Variants in HIRA observed in about 807,000 individuals in gnomAD.
The protein encoded by HIRA is protein HIRA.
Under a neutral mutation model 126.6 loss-of-function variants are expected in HIRA, and 13 were observed. The ratio of observed to expected loss-of-function variants is 0.10; its 90% CI spans 0.07 to 0.16. The LOEUF is 0.16. Ranked by LOEUF, HIRA falls within the 10% of genes least tolerant of loss-of-function variation. The pLI, the probability that HIRA is intolerant of heterozygous loss-of-function variation, is 1.00. For synonymous variants in HIRA, 511 were observed against 520.0 expected, an observed-to-expected ratio of 0.98 and a Z score of 0.24; for missense variants, 834 against 1,314.4, an observed-to-expected ratio of 0.63 and a Z score of 5.65.
chr22:19,401,820 C>T (rs910617084), intron 5 of HIRA, among the ~76,000 whole-genome samples: 5 of 152,314 alleles, frequency 3.3e-5, no homozygotes, highest in African/African-American at 9.6e-5. Context: ...CTAGTCTTCC[C>T]AGTGCAGCCC....
intron 15 of HIRA, among the ~76,000 whole-genome samples, chr22:19,373,242 G>C (rs1035317764): frequency 3.3e-5 from 5 of 151,916 alleles, no homozygotes; most frequent in Admixed American, 1.3e-4. Context: ...TTTAGCTTTT[G>C]TTCCAATTTT....
intron 2 of HIRA, among the ~76,000 whole-genome samples, chr22:19,408,951 T>C (rs1370562199): frequency 6.6e-6 from 1 of 152,090 alleles, no homozygotes; most frequent in African/African-American, 2.4e-5. Flanking sequence ...ACTCCTTGAC[T>C]CCTCATCTGT....
intron 5 of HIRA, among the ~76,000 whole-genome samples, chr22:19,398,440 G>A (rs554885472): frequency 6.6e-6 from 1 of 152,270 alleles, no homozygotes; most frequent in Non-Finnish European, 1.5e-5. Flanking sequence ...GCCTTCCTCC[G>A]AGAGCCTTCT....
At position 19,361,822 on chromosome 22, in the gene HIRA, G is replaced by A; in HGVS notation, c.1885C>T (p.Arg629Ter). 1.2e-6 allele frequency: 2 copies of A among 1,614,088 alleles called. No individual in the cohort carries two copies. Among genetic ancestry groups the A allele is most frequent in the Non-Finnish European group, 1.7e-6 (2 of 1,180,028 alleles). Reference protein sequence around the residue: ...PLAKASSLSKRKLELEVETVE... With the variant: ...PLAKASSLSK ...GTCTCTACCTCAAGCTCAAGTTTTC[G>A]CTTGGACAGTGAGGAAGCCTTAGCC... Residue 629 changes from arginine (R) to a stop codon, truncating the protein, a stop_gained, in exon 16 of 25, where the codon CGA (arginine) becomes TGA (stop). Transcript: ENST00000263208. LOFTEE classifies it high-confidence loss of function.
chr22:19,346,896 G>A (rs1242204275), intron 24 of HIRA, among the ~76,000 whole-genome samples: 4 of 152,174 alleles, frequency 2.6e-5, no homozygotes, highest in African/African-American at 7.2e-5. Flanking sequence ...GAAGTGTCCT[G>A]TTTGGAGTTG....
intron 11 of HIRA, among the ~76,000 whole-genome samples, chr22:19,386,678 C>T (rs1209117349): frequency 6.6e-6 from 1 of 152,164 alleles, no homozygotes; most frequent in Non-Finnish European, 1.5e-5. Context: ...AGTGTTCCTC[C>T]AACATGGAGT....
intron 15 of HIRA, among the ~76,000 whole-genome samples, chr22:19,373,962 G>A (rs1447745913): frequency 6.7e-6 from 1 of 150,220 alleles, no homozygotes; most frequent in Non-Finnish European, 1.5e-5. Flanking sequence ...TTTAGACTCT[G>A]GGTACTGCTC....
chr22:19,391,267 C>T (rs2089178849), intron 9 of HIRA, among the ~76,000 whole-genome samples: 1 of 152,126 alleles, frequency 6.6e-6, no homozygotes, highest in Non-Finnish European at 1.5e-5. Context: ...CACACAATTG[C>T]ATTTATATGA....
chr22:19,332,287 G>T (rs988353170), intron 24 of HIRA, among the ~76,000 whole-genome samples: 1 of 152,186 alleles, frequency 6.6e-6, no homozygotes, highest in African/African-American at 2.4e-5. Flanking sequence ...AACAAGTCTA[G>T]AAGTGACAGT....
intron 2 of HIRA, among the ~76,000 whole-genome samples, chr22:19,409,313 T>C (rs1309830627): frequency 6.6e-6 from 1 of 150,964 alleles, no homozygotes; most frequent in Non-Finnish European, 1.5e-5. Context: ...AGATGGAGTC[T>C]CACTCTGTCT....
intron 24 of HIRA, among the ~76,000 whole-genome samples, chr22:19,349,621 A>G (rs1165440619): frequency 2.0e-5 from 3 of 152,228 alleles, no homozygotes; most frequent in Admixed American, 6.5e-5. Flanking sequence ...TTTTTTAGCA[A>G]TAACACTGGA....
Position 19,377,970 on chromosome 22 carries a change from C to T in HIRA, c.1512G>A (p.Leu504=). ...SSHSSPQLLP[L]DSSTPNSFGA... ...CGAAGGAGTTAGGGGTACTGGAGTC[C>T]AGTGGCAGTAGCTGTGGACTGCTAT... Residue 504 remains leucine, a synonymous_variant, in exon 14 of 25, where the codon CTG becomes CTA. Transcript: ENST00000263208. 1 of 1,613,744 alleles carries T rather than the reference C, an allele frequency of 6.2e-7. No individual in the cohort carries two copies. The highest frequency in any genetic ancestry group is 8.5e-7 in the Non-Finnish European group (1 of 1,179,852).
chr22:19,334,515 G>A (rs1224280262), intron 24 of HIRA, among the ~76,000 whole-genome samples: 5 of 150,640 alleles, frequency 3.3e-5, no homozygotes, highest in African/African-American at 4.9e-5. Flanking sequence ...GGCCAGGCGC[G>A]GTGGCTCACG....
At chr22:19,418,895 G>T (rs1287811429) in intron 1 of HIRA, among the ~76,000 whole-genome samples, 1 of 151,786 alleles carries the variant, frequency 6.6e-6, no homozygotes, top group Non-Finnish European at 1.5e-5. Context: ...ACAATTCGGT[G>T]TGAATCTATA....
chr22:19,357,398 C>T (rs2088823021), intron 18 of HIRA, among the ~76,000 whole-genome samples: 1 of 152,216 alleles, frequency 6.6e-6, no homozygotes, highest in Non-Finnish European at 1.5e-5. Flanking sequence ...ACATAGTACC[C>T]ACAGGACAGT....
At chr22:19,353,974 C>T in intron 22 of HIRA, 22 bp downstream of exon 22, 1 of 1,611,290 alleles carries the variant, frequency 6.2e-7, no homozygotes, top group Non-Finnish European at 8.5e-7. Flanking sequence ...AGGACAGTGG[C>T]CATGGCATTC....
intron 13 of HIRA, among the ~76,000 whole-genome samples, chr22:19,381,995 G>A (rs1307997155): frequency 6.6e-6 from 1 of 151,972 alleles, no homozygotes; most frequent in East Asian, 1.9e-4. Context: ...TCCACTTTCT[G>A]TGCAAATTTA....
intron 13 of HIRA, 122 bp downstream of exon 13, chr22:19,383,498 C>T (rs1190127993): frequency 1.3e-5 from 10 of 781,136 alleles, no homozygotes; most frequent in Non-Finnish European, 2.2e-5. Flanking sequence ...TTCCTTGCTT[C>T]CATGTTCTAC....
At chr22:19,386,562 G>A (rs528653360) in intron 11 of HIRA, among the ~76,000 whole-genome samples, 80 of 152,238 alleles carry the variant, frequency 5.3e-4, no homozygotes, top group Non-Finnish European at 9.1e-4. Context: ...GGGCTTGAAT[G>A]TGGCCAGGAA....
Sources: gnomAD v4.1 joint callset for allele counts (sites outside exome capture counted in the v4.1 genomes callset) on GRCh38, gnomAD v4.1.1 for gene constraint, MANE v1.5 for transcripts, NCBI Gene and HGNC (gene_info 2026-07-23, HGNC 2026-07-21) for gene names.